Variants in SPAG16 observed in about 807,000 individuals in gnomAD.
SPAG16 encodes the protein sperm-associated antigen 16 protein.
SPAG16 carries 86 observed loss-of-function variants against 80.4 expected under a neutral mutation model. The ratio of observed to expected loss-of-function variants is 1.07; its 90% confidence interval spans 0.90 to 1.28. The LOEUF (loss-of-function observed/expected upper bound fraction) is 1.28, where lower values mean the gene tolerates loss of function less well. SPAG16 is among the 50% of genes most tolerant of loss of function. The pLI, the probability that SPAG16 is intolerant of heterozygous loss-of-function variation, is 0.00. For missense variants in SPAG16, 870 were observed against 765.3 expected, an observed-to-expected ratio of 1.14 and a Z score of -1.61; for synonymous variants, 294 against 265.9, an observed-to-expected ratio of 1.11 and a Z score of -1.03.
chr2:213,926,743 A>G (rs1255989231), intron 11 of SPAG16, among the ~76,000 whole-genome samples: 2 of 152,198 alleles, frequency 1.3e-5, no homozygotes, highest in Admixed American at 1.3e-4. Context: ...AATTATAACA[A>G]CTAGTGTCCT....
At chr2:213,976,262 A>G (rs1335988254) in intron 12 of SPAG16, among the ~76,000 whole-genome samples, 1 of 150,664 alleles carries the variant, frequency 6.6e-6, no homozygotes. Flanking sequence ...GTATATACAC[A>G]CATATACATA....
chr2:213,648,401 C>A (rs1273787563), intron 10 of SPAG16, among the ~76,000 whole-genome samples: 1 of 152,190 alleles, frequency 6.6e-6, no homozygotes, highest in East Asian at 1.9e-4. Context: ...CCATCTGCCA[C>A]ACTAACCTCA....
chr2:213,691,352 T>C (rs534413105), intron 10 of SPAG16, among the ~76,000 whole-genome samples: 11 of 152,306 alleles, frequency 7.2e-5, no homozygotes, highest in African/African-American at 1.9e-4. Context: ...TCTGCTTAAA[T>C]GCTAGCTGTC....
chr2:214,108,101 G>A, intron 13 of SPAG16, 95 bp from the exon 14 acceptor site: 4 of 891,850 alleles, frequency 4.5e-6, no homozygotes, highest in South Asian at 3.4e-5. Context: ...GGGAGGAGGG[G>A]CTAAAAATTA....
At chr2:213,550,240 G>A (rs2076741048) in intron 10 of SPAG16, among the ~76,000 whole-genome samples, 3 of 151,054 alleles carry the variant, frequency 2.0e-5, no homozygotes, top group East Asian at 1.9e-4. Flanking sequence ...GAATTAATCA[G>A]CATCATTTAT....
chr2:213,574,939 G>A (rs989558094), intron 10 of SPAG16, among the ~76,000 whole-genome samples: 6 of 151,774 alleles, frequency 4.0e-5, no homozygotes, highest in African/African-American at 9.7e-5. Context: ...TTTGATCACC[G>A]AGGACAATGT....
At chr2:214,334,203 C>T (rs1213372461) in intron 15 of SPAG16, among the ~76,000 whole-genome samples, 2 of 152,210 alleles carry the variant, frequency 1.3e-5, no homozygotes, top group African/African-American at 4.8e-5. Context: ...GTTGATCACG[C>T]TCTGATTTAA....
chr2:214,319,126 GA>G (rs1208445556), intron 15 of SPAG16, among the ~76,000 whole-genome samples: 3 of 151,486 alleles, frequency 2.0e-5, no homozygotes, highest in African/African-American at 7.3e-5. Context: ...AAGAAGTGGA[GA>G]AAAGGACTGC....
At chr2:214,129,066 C>T (rs1243418222) in intron 14 of SPAG16, among the ~76,000 whole-genome samples, 1 of 151,950 alleles carries the variant, frequency 6.6e-6, no homozygotes, top group Non-Finnish European at 1.5e-5. Context: ...GGTAGTTCTT[C>T]CTAGGCCCCT....
At chr2:213,921,696 C>T (rs2078232143) in intron 11 of SPAG16, among the ~76,000 whole-genome samples, 1 of 152,124 alleles carries the variant, frequency 6.6e-6, no homozygotes, top group South Asian at 2.1e-4. Context: ...ATTTAGCACT[C>T]CTTTCAGGAC....
intron 10 of SPAG16, among the ~76,000 whole-genome samples, chr2:213,616,006 C>G (rs1205255436): frequency 6.6e-6 from 1 of 152,098 alleles, no homozygotes; most frequent in African/African-American, 2.4e-5. Context: ...ACATGTATAC[C>G]TACGTAACAA....
intron 13 of SPAG16, among the ~76,000 whole-genome samples, chr2:214,095,730 A>T (rs1222572335): frequency 6.6e-6 from 1 of 152,110 alleles, no homozygotes; most frequent in African/African-American, 2.4e-5. Context: ...CTTAATGTGC[A>T]TAAAGTTTCA....
intron 11 of SPAG16, among the ~76,000 whole-genome samples, chr2:213,927,897 A>AT (rs1559597231): frequency 6.6e-6 from 1 of 152,186 alleles, no homozygotes; most frequent in African/African-American, 2.4e-5. Flanking sequence ...TAATTTTTAA[A>AT]TTTTTTTACA....
intron 9 of SPAG16, among the ~76,000 whole-genome samples, chr2:213,456,931 T>C (rs961484256): frequency 6.6e-6 from 1 of 152,202 alleles, no homozygotes. Context: ...TGCCTTCTTG[T>C]ATCTTATAAC....
intron 13 of SPAG16, among the ~76,000 whole-genome samples, chr2:214,100,335 C>T (rs2052919786): frequency 6.6e-6 from 1 of 151,940 alleles, no homozygotes; most frequent in Non-Finnish European, 1.5e-5. Flanking sequence ...ATTGATTTAA[C>T]ATATCAAAAA....
intron 15 of SPAG16, among the ~76,000 whole-genome samples, chr2:214,290,938 T>G (rs1238492289): frequency 6.6e-6 from 1 of 152,228 alleles, no homozygotes; most frequent in Non-Finnish European, 1.5e-5. Flanking sequence ...CTATTAAAAG[T>G]GCAATTTAAA....
At chr2:214,393,165 G>A (rs1264339708) in intron 15 of SPAG16, among the ~76,000 whole-genome samples, 2 of 152,178 alleles carry the variant, frequency 1.3e-5, no homozygotes, top group Non-Finnish European at 2.9e-5. Context: ...TATGAAAGCA[G>A]TCATCTAATC....
chr2:214,014,599 T>C (rs1412556398), intron 13 of SPAG16, among the ~76,000 whole-genome samples: 1 of 151,858 alleles, frequency 6.6e-6, no homozygotes, highest in Admixed American at 6.6e-5. Context: ...AGGGGTAGAT[T>C]TAGGAGAGGG....
chr2:213,468,363 A>C (rs1339151406), intron 9 of SPAG16, among the ~76,000 whole-genome samples: 16 of 146,452 alleles, frequency 1.1e-4, no homozygotes, highest in African/African-American at 4.0e-4. Flanking sequence ...AGATATATAT[A>C]TATATCTCTC....
Sources: gnomAD v4.1 joint callset for allele counts (sites outside exome capture counted in the v4.1 genomes callset) on GRCh38, gnomAD v4.1.1 for gene constraint, MANE v1.5 for transcripts, NCBI Gene and HGNC (gene_info 2026-07-23, HGNC 2026-07-21) for gene names.